Variants in FCSK observed in about 807,000 individuals in gnomAD.
FCSK encodes L-fucose kinase.
A neutral mutation model predicts 122.5 loss-of-function variants in FCSK; 123 were observed. The observed-to-expected ratio is 1.00, with a 90% confidence interval of 0.87 to 1.17. FCSK has a LOEUF of 1.17. FCSK is among the 50% of genes most tolerant of loss of function. FCSK has a pLI of 0.00. For missense variants in FCSK, 1,366 were observed against 1,450.4 expected, an observed-to-expected ratio of 0.94 and a Z score of 0.95; for synonymous variants, 620 against 625.5, an observed-to-expected ratio of 0.99 and a Z score of 0.13.
chr16:70,478,962 TAG>T (rs1567715664), intron 22 of FCSK: 5 of 672,800 alleles, frequency 7.4e-6, no homozygotes, highest in Non-Finnish European at 1.1e-5. Flanking sequence ...CACAGCTCCC[TAG>T]ATGCCGACTA....
intron 1 of FCSK, among the ~76,000 whole-genome samples, chr16:70,456,364 C>T (rs368596813): frequency 6.6e-6 from 1 of 152,234 alleles, no homozygotes; most frequent in Non-Finnish European, 1.5e-5. Flanking sequence ...TGAAGTGACA[C>T]TGATGTGCCT....
At chr16:70,462,708 G>A (rs1012709769) in intron 1 of FCSK, among the ~76,000 whole-genome samples, 1 of 152,042 alleles carries the variant, frequency 6.6e-6, no homozygotes, top group African/African-American at 2.4e-5. Context: ...GCAGTGGCGC[G>A]ATCTTGGCCC....
rs1211885446 is a variant in FCSK at position 70,474,323 on chromosome 16, G to A, written c.1972G>A (p.Asp658Asn). 2 of 1,613,476 alleles carry A rather than the reference G, an allele frequency of 1.2e-6. No homozygotes were observed. The highest frequency in any genetic ancestry group is 1.7e-6 in the Non-Finnish European group (2 of 1,179,922). The change falls in exon 16 of 24, where the codon GAC (aspartate) becomes AAC (asparagine). Residue 658 changes from aspartate to asparagine, a missense_variant. Transcript: ENST00000288078. ...AGVEALAQER[D>N]KWLSRPALLV... ...CGTGGAGGCGCTTGCCCAGGAGAGG[G>A]ACAAGTGGCTAAGCAGGTGTGTACT...
rs148360040 is a variant in FCSK, at chr16:70,475,771, T to G, written c.2641+4T>G. The G allele has an allele frequency of 6.4e-4, 1,000 of 1,568,550 alleles. 9 individuals are homozygous for G. The African/African-American group carries it at 0.012, about 18-fold the overall frequency. ...CTGGAGCAGGTGCTCACCACTGGTA[T>G]GTGACTGCCCTGGAGTTGGAGGAGG... On this transcript the variant is annotated splice_donor_region_variant and intron_variant, in intron 20 of 23. Coordinates refer to ENST00000288078, the MANE Select transcript of FCSK (RefSeq NM_145059.3).
chr16:70,473,033 C>G lies in FCSK; in HGVS notation c.1457C>G (p.Pro486Arg), dbSNP rs778633729. 4 of 1,591,518 alleles carry G rather than the reference C, an allele frequency of 2.5e-6. No individual in the cohort carries two copies. Among genetic ancestry groups the G allele is most frequent in the African/African-American group, 2.7e-5 (2 of 74,364 alleles). Residue 486 changes from proline to arginine, a missense_variant, in exon 15 of 24, where the codon CCC becomes CGC. Pro to Arg is a moderately radical substitution (Grantham distance 103). Transcript: ENST00000288078. The surrounding 1 kb of genome is among the most constrained non-coding windows in gnomAD (Gnocchi z 4.9). ...ACGCTGCCCGCAGAGTACTGCCTTCCCAGCGCCCGCCTCTTTCCTGTGCTC... is the reference window on the plus strand; with the variant it reads ...ACGCTGCCCGCAGAGTACTGCCTTCGCAGCGCCCGCCTCTTTCCTGTGCTC... ...PETLPAEYCL[P>R]SARLFPVLHP...
At chr16:70,460,485 A>G (rs1276555227) in intron 1 of FCSK, among the ~76,000 whole-genome samples, 1 of 150,928 alleles carries the variant, frequency 6.6e-6, no homozygotes, top group African/African-American at 2.4e-5. Context: ...GCTCACTGCA[A>G]CCTTTGCCTC....
At chr16:70,469,677 C>T (rs989162348) in intron 10 of FCSK, among the ~76,000 whole-genome samples, 1 of 152,150 alleles carries the variant, frequency 6.6e-6, no homozygotes, top group African/African-American at 2.4e-5. Flanking sequence ...CCTCAGCCTC[C>T]TGCGTACCTG....
Position 70,467,477 on chromosome 16 carries a change from G to C in FCSK, c.582+6G>C. ...TCTACCTAACTGACCCCCAGGTAGT[G>C]CCCCTGGGGACAGTGGAGCCGGCTG... On this transcript the variant is annotated splice_donor_region_variant and intron_variant, in intron 7 of 23. Transcript: ENST00000288078. 1.3e-6 allele frequency: 2 copies of C among 1,584,448 alleles called. No individual in the cohort carries two copies. The highest frequency in any genetic ancestry group is 1.7e-6 in the Non-Finnish European group (2 of 1,165,312).
At chr16:70,458,958 A>G (rs2048177325) in intron 1 of FCSK, among the ~76,000 whole-genome samples, 1 of 151,908 alleles carries the variant, frequency 6.6e-6, no homozygotes, top group Admixed American at 6.6e-5. Context: ...ATTTAAAAAT[A>G]AATTAATAAA....
intron 14 of FCSK, 36 bp from the exon 15 acceptor site, chr16:70,472,947 C>T (rs757624554): frequency 6.4e-7 from 1 of 1,570,858 alleles, no homozygotes; most frequent in East Asian, 2.3e-5. Flanking sequence ...GGAGCTTTTG[C>T]TTCCCTCCTG....
intron 1 of FCSK, among the ~76,000 whole-genome samples, chr16:70,461,483 C>G (rs1180544182): frequency 6.6e-6 from 1 of 152,040 alleles, no homozygotes; most frequent in Non-Finnish European, 1.5e-5. Context: ...GGGGTGAAGC[C>G]AAATCTTTGG....
intron 13 of FCSK, 125 bp from the exon 14 acceptor site, chr16:70,472,416 G>A (rs1353628921): frequency 2.8e-6 from 2 of 706,058 alleles, no homozygotes; most frequent in Admixed American, 2.9e-5. Flanking sequence ...GGTGGGTCAA[G>A]TATGTTCTTT....
intron 20 of FCSK, chr16:70,478,014 T>G (rs2048868653): frequency 3.9e-6 from 2 of 513,236 alleles, no homozygotes; most frequent in Non-Finnish European, 6.9e-6. Context: ...TCAGTGTGGT[T>G]TATCCCAATT....
Position 70,454,600 on chromosome 16 carries a change from G to A in FCSK, c.-53G>A, listed in dbSNP as rs2048025584. 6.6e-6 allele frequency: 1 copy of A among 152,118 alleles called. No homozygotes were observed. Among genetic ancestry groups the A allele is most frequent in the East Asian group, 1.9e-4 (1 of 5,186 alleles). 9.4% of individuals were successfully genotyped at this position (152,118 alleles called of 1,614,324 possible). A position where few individuals can be genotyped will look rare whatever the true frequency, so the allele number is the denominator to read the frequency against. ...GGGTCGCGCAGCCTCGCGTTAAAGA[G>A]CCCGCTCCGCCGAGCGCCGGGCGAC... On this transcript the variant is annotated 5_prime_UTR_variant, in exon 1 of 24. Coordinates refer to ENST00000288078, the MANE Select transcript of FCSK (RefSeq NM_145059.3).
At position 70,479,346 on chromosome 16, in the gene FCSK, G is replaced by A. The variant is rs985680135; in HGVS notation, c.3096G>A (p.Leu1032=). Residue 1032 remains leucine, a synonymous_variant, in exon 23 of 24, where the codon CTG becomes CTA. Coordinates refer to ENST00000288078, the MANE Select transcript of FCSK (RefSeq NM_145059.3). ...CAGGCGGTGGAGGCTTTCTCTATCT[G>A]TTGACCAAGGAGCCACAGCAAAAGG... is the stretch of plus-strand genomic sequence containing the variant. The part of the protein sequence containing the change: ...AGAGGGGFLY[L]LTKEPQQKEA... 4 of 1,613,836 alleles carry A rather than the reference G, an allele frequency of 2.5e-6. No individual in the cohort carries two copies. Among genetic ancestry groups the A allele is most frequent in the Admixed American group, 3.3e-5 (2 of 59,998 alleles).
At position 70,471,074 on chromosome 16, in the gene FCSK, T is replaced by A. The variant is rs2048599413; in HGVS notation, c.1170+2T>A. 1 of 1,598,674 alleles carries A rather than the reference T, an allele frequency of 6.3e-7. No individual in the cohort carries two copies. The highest frequency in any genetic ancestry group is 8.5e-7 in the Non-Finnish European group (1 of 1,175,214). ...GTCCTGCAGCACTGCCACCTGCAGG[T>A]GAGGCCTGAGCGTGTGGGCAGATTG... On this transcript the variant is annotated splice_donor_variant, in intron 12 of 23. Transcript: ENST00000288078. LOFTEE classifies it high-confidence loss of function.
rs780343273 is a variant in FCSK, at chr16:70,470,311, C to G, written c.956-3C>G. The G allele has an allele frequency of 6.2e-7, 1 of 1,607,626 alleles. No individual in the cohort carries two copies. Among genetic ancestry groups the G allele is most frequent in the South Asian group, 1.1e-5 (1 of 90,916 alleles). On this transcript the variant is annotated splice_polypyrimidine_tract_variant and splice_region_variant and intron_variant, in intron 10 of 23. Coordinates refer to ENST00000288078, the MANE Select transcript of FCSK (RefSeq NM_145059.3). ...GTTGGGTTCAGTACTTATGTCTTTA[C>G]AGCCTATGTCTCCAGCGGCAGCTAC... is the stretch of plus-strand genomic sequence containing the variant.
intron 5 of FCSK, 62 bp downstream of exon 5, chr16:70,466,319 T>C: frequency 6.3e-7 from 1 of 1,598,258 alleles, no homozygotes; most frequent in Non-Finnish European, 8.6e-7. Context: ...CTCCCACTGT[T>C]CCCCCAGGTA....
In FCSK at chr16:70,473,974, A is replaced by G. The variant is rs2048713983; in HGVS notation, c.1778-155A>G. ...ACGAGATGATCTCTGCCAGGCAGAGAGCAGGAGTGCAGTTACAGTCAAAGA... is the reference window on the plus strand; with the variant it reads ...ACGAGATGATCTCTGCCAGGCAGAGGGCAGGAGTGCAGTTACAGTCAAAGA... On this transcript the variant is annotated intron_variant, in intron 15 of 23. Transcript: ENST00000288078. This position sits in a 1 kb window ranked among gnomAD's most constrained non-coding sequence, Gnocchi z 4.9. Among the ~76,000 whole-genome samples, 1 of 152,156 alleles carries G rather than the reference A, an allele frequency of 6.6e-6. No homozygotes were observed. Among genetic ancestry groups the G allele is most frequent in the Non-Finnish European group, 1.5e-5 (1 of 68,030 alleles).
Sources: gnomAD v4.1 joint callset for allele counts (sites outside exome capture counted in the v4.1 genomes callset) on GRCh38, gnomAD v4.1.1 for gene constraint, Gnocchi (gnomAD v3.1) non-coding constraint, MANE v1.5 for transcripts, NCBI Gene and HGNC (gene_info 2026-07-23, HGNC 2026-07-21) for gene names.